TIAM1: variants seen among roughly 807,000 people sequenced by gnomAD.
The protein encoded by TIAM1 is TIAM Rac1 associated GEF 1.
In TIAM1, 65 loss-of-function variants were observed where a neutral mutation model predicts 163.5. The ratio of observed to expected loss-of-function variants is 0.40; its 90% CI spans 0.33 to 0.49. TIAM1 has a LOEUF of 0.49. Ranked by LOEUF, TIAM1 falls within the 20% of genes least tolerant of loss-of-function variation. TIAM1 has a pLI of 0.77. For missense variants in TIAM1, 1,789 were observed against 2,044.7 expected (o/e 0.87, Z 2.41); for synonymous variants, 833 against 810.1 (o/e 1.03, Z -0.48).
intron 2 of TIAM1, among the ~76,000 whole-genome samples, chr21:31,351,027 A>G (rs2076225486): frequency 6.6e-6 from 1 of 152,216 alleles, no homozygotes. Flanking sequence ...GTTCCCTTCC[A>G]CTAACATAGG....
At chr21:31,452,745 C>G (rs915617028) in intron 2 of TIAM1, 4 of 486,234 alleles carry the variant, frequency 8.2e-6, no homozygotes, top group Admixed American at 2.5e-5. Context: ...TACAAAGTCA[C>G]TGCAAAAAGT....
chr21:31,210,588 A>AAGAG lies in TIAM1; in HGVS notation c.2218-374_2218-373insCTCT, dbSNP rs1555890875. ...AAAGAAAGAAAGAAAGAAAGAAAGA[A>AAGAG]AGAAAGAGAGAAAGAAGGAAGGAAG... On this transcript the variant is annotated intron_variant, in intron 10 of 27. Transcript: ENST00000541036. Among the ~76,000 whole-genome samples, 25 of 114,226 alleles carry AAGAG rather than the reference A, an allele frequency of 2.2e-4. 2 individuals are homozygous for AAGAG. The highest frequency in any genetic ancestry group is 1.1e-3 in the African/African-American group (24 of 21,202). 74.9% of individuals were successfully genotyped at this position (114,226 alleles called of 152,430 possible). A position where few individuals can be genotyped will look rare whatever the true frequency, so the allele number is the denominator to read the frequency against.
chr21:31,327,737 C>T (rs2075541463), intron 2 of TIAM1, among the ~76,000 whole-genome samples: 1 of 151,680 alleles, frequency 6.6e-6, no homozygotes, highest in Non-Finnish European at 1.5e-5. Context: ...ACCACCCCAC[C>T]ATCACCCTGC....
chr21:31,182,993 C>A (rs1188464687), intron 14 of TIAM1, among the ~76,000 whole-genome samples: 1 of 152,176 alleles, frequency 6.6e-6, no homozygotes, highest in African/African-American at 2.4e-5. Flanking sequence ...CGGGGAATGG[C>A]AGTGCTCTCT....
Position 31,141,302 on chromosome 21 carries a change from G to T in TIAM1, c.3655+23C>A. On this transcript the variant is annotated intron_variant, in intron 21 of 27. Transcript: ENST00000541036. The surrounding 1 kb of genome is among the most constrained non-coding windows in gnomAD (Gnocchi z 4.7). ...ACCCTCATGGAGACTCAGGCCTGCC[G>T]GGGGTCCCAGGCCGAGGCCTACCGT... is the stretch of plus-strand genomic sequence containing the variant. The T allele has an allele frequency of 6.2e-7, 1 of 1,613,378 alleles. No individual in the cohort carries two copies. The highest frequency in any genetic ancestry group is 8.5e-7 in the Non-Finnish European group (1 of 1,179,554).
chr21:31,405,990 G>C (rs2077240899), intron 2 of TIAM1, among the ~76,000 whole-genome samples: 1 of 152,034 alleles, frequency 6.6e-6, no homozygotes, highest in Non-Finnish European at 1.5e-5. Flanking sequence ...AAGTATAAAA[G>C]ACTGGGCTCC....
chr21:31,137,834 G>T (rs2082684363), intron 22 of TIAM1, among the ~76,000 whole-genome samples: 1 of 150,472 alleles, frequency 6.6e-6, no homozygotes, highest in Non-Finnish European at 1.5e-5. Context: ...CTTCAGAACT[G>T]GAGCTAACCA....
At chr21:31,474,959 T>G (rs778086366) in intron 1 of TIAM1, among the ~76,000 whole-genome samples, 1 of 151,774 alleles carries the variant, frequency 6.6e-6, no homozygotes. Context: ...GGGAAGATAA[T>G]TGGAGACCCA....
chr21:31,381,984 A>G (rs1470038959), intron 2 of TIAM1, among the ~76,000 whole-genome samples: 2 of 152,174 alleles, frequency 1.3e-5, no homozygotes, highest in Non-Finnish European at 2.9e-5. Context: ...TGAGAAATAA[A>G]TGTTTGTTGA....
At position 31,285,710 on chromosome 21, in the gene TIAM1, A is replaced by C. The variant is rs532580550; in HGVS notation, c.-188-8802T>G. Among the ~76,000 whole-genome samples, 3 of 152,140 alleles carry C rather than the reference A, an allele frequency of 2.0e-5. No individual in the cohort carries two copies. The East Asian group carries it at 5.8e-4, about 29-fold the overall frequency. On this transcript the variant is annotated intron_variant, in intron 2 of 27. Coordinates refer to ENST00000541036, the MANE Select transcript of TIAM1 (RefSeq NM_001353694.2). ...ACCCTGTCTCTACTAAAAATACAAA[A>C]ATTAGCTGAGTGTGGTGGCCCACAC... is the stretch of plus-strand genomic sequence containing the variant.
At chr21:31,355,106 A>T (rs2076293558) in intron 2 of TIAM1, among the ~76,000 whole-genome samples, 1 of 151,568 alleles carries the variant, frequency 6.6e-6, no homozygotes. Context: ...AAAATTAGTC[A>T]GGTCGGCTGG....
chr21:31,332,728 G>A lies in TIAM1; in HGVS notation c.-189+6515C>T, dbSNP rs776405940. On this transcript the variant is annotated intron_variant, in intron 2 of 27. Transcript: ENST00000541036. ...CTCAAACCACCACCAGGGAACTCGC[G>A]ATAAAACACCCACACTCACATTCAC... 3.4e-5 allele frequency among the ~76,000 whole-genome samples: 5 copies of A among 148,636 alleles called. 1 individual carries two copies. Among genetic ancestry groups the A allele is most frequent in the African/African-American group, 7.4e-5 (3 of 40,316 alleles).
intron 2 of TIAM1, among the ~76,000 whole-genome samples, chr21:31,349,861 T>G (rs989348209): frequency 6.6e-6 from 1 of 152,188 alleles, no homozygotes; most frequent in East Asian, 1.9e-4. Context: ...AAGTGGGAAC[T>G]TAAAATAATA....
chr21:31,383,033 A>G (rs1431793869), intron 2 of TIAM1, among the ~76,000 whole-genome samples: 1 of 152,162 alleles, frequency 6.6e-6, no homozygotes, highest in African/African-American at 2.4e-5. Flanking sequence ...TGAGGTCAGG[A>G]GTTCAAGACC....
intron 15 of TIAM1, among the ~76,000 whole-genome samples, chr21:31,181,737 ACTTCTT>A (rs1464345944): frequency 2.7e-5 from 2 of 73,876 alleles, no homozygotes; most frequent in African/African-American, 5.4e-5. Context: ...GATTCCCAGC[ACTTCTT>A]CTTCTTCTTC....
At chr21:31,260,108 CTTT>C (rs563555244) in intron 4 of TIAM1, among the ~76,000 whole-genome samples, 4 of 131,166 alleles carry the variant, frequency 3.0e-5, no homozygotes, top group Non-Finnish European at 4.9e-5. Context: ...CTAATTTTTC[CTTT>C]TTTTTTTTTT....
At chr21:31,194,744 C>T (rs987716998) in intron 13 of TIAM1, among the ~76,000 whole-genome samples, 2 of 152,166 alleles carry the variant, frequency 1.3e-5, no homozygotes, top group Admixed American at 1.3e-4. Context: ...TGCTTTAACC[C>T]TTACAAAAAA....
intron 22 of TIAM1, among the ~76,000 whole-genome samples, chr21:31,137,184 G>A (rs578024959): frequency 1.4e-4 from 21 of 152,248 alleles, no homozygotes; most frequent in African/African-American, 2.9e-4. Context: ...GCAACCTGGC[G>A]ACCCGCCACT....
chr21:31,334,513 TC>T (rs2075780674), intron 2 of TIAM1, among the ~76,000 whole-genome samples: 1 of 152,068 alleles, frequency 6.6e-6, no homozygotes, highest in Admixed American at 6.5e-5. Context: ...AGCAAAAAAA[TC>T]CCACTGATAA....
Sources: gnomAD v4.1 joint callset for allele counts (sites outside exome capture counted in the v4.1 genomes callset) on GRCh38, gnomAD v4.1.1 for gene constraint, Gnocchi (gnomAD v3.1) non-coding constraint, MANE v1.5 for transcripts, NCBI Gene and HGNC (gene_info 2026-07-23, HGNC 2026-07-21) for gene names.